Variants in NUMB observed in about 807,000 individuals in gnomAD.
NUMB encodes the protein protein numb homolog.
NUMB carries 29 observed loss-of-function variants against 59.7 expected under a neutral mutation model. The ratio of observed to expected loss-of-function variants is 0.49; its 90% CI spans 0.36 to 0.66. The LOEUF (loss-of-function observed/expected upper bound fraction) is 0.66. NUMB is among the 30% of genes least tolerant of loss of function. NUMB has a pLI of 0.00. For synonymous variants in NUMB, 288 were observed against 288.2 expected (o/e 1.00, Z 0.01); for missense variants, 723 against 822.0 (o/e 0.88, Z 1.47).
At chr14:73,365,843 A>G (rs932717432) in intron 3 of NUMB, among the ~76,000 whole-genome samples, 4 of 152,250 alleles carry the variant, frequency 2.6e-5, no homozygotes, top group African/African-American at 9.6e-5. Flanking sequence ...GACAGCTACA[A>G]TAAACAAGTA....
At chr14:73,435,271 CTTT>C (rs11295491) in intron 1 of NUMB, among the ~76,000 whole-genome samples, 6 of 112,836 alleles carry the variant, frequency 5.3e-5, no homozygotes, top group Admixed American at 1.8e-4. Context: ...TTGGCAATTA[CTTT>C]TTTTTTTTTT....
chr14:73,336,931 T>C (rs1010127946), intron 4 of NUMB, among the ~76,000 whole-genome samples: 11 of 152,144 alleles, frequency 7.2e-5, no homozygotes, highest in African/African-American at 2.2e-4. Flanking sequence ...ACAATTAAGA[T>C]AAAAATCATA....
intron 1 of NUMB, among the ~76,000 whole-genome samples, chr14:73,432,286 T>C (rs999040325): frequency 2.0e-5 from 3 of 152,002 alleles, no homozygotes; most frequent in South Asian, 4.1e-4. Flanking sequence ...TCCACACTTA[T>C]TATAAAGCTA....
At chr14:73,439,803 T>G (rs1882887830) in intron 1 of NUMB, among the ~76,000 whole-genome samples, 1 of 152,170 alleles carries the variant, frequency 6.6e-6, no homozygotes, top group African/African-American at 2.4e-5. Context: ...TATGAATCTT[T>G]TCTTCCTTTA....
At chr14:73,315,539 A>G (rs1255612430) in intron 6 of NUMB, among the ~76,000 whole-genome samples, 4 of 152,166 alleles carry the variant, frequency 2.6e-5, no homozygotes, top group East Asian at 1.9e-4. Context: ...CATATGACAG[A>G]TATTTGGTAG....
At chr14:73,364,257 A>T (rs1038415810) in intron 3 of NUMB, among the ~76,000 whole-genome samples, 19 of 152,108 alleles carry the variant, frequency 1.2e-4, no homozygotes, top group Admixed American at 1.2e-3. Context: ...CACCGTGCTG[A>T]GGTGGGCGGA....
chr14:73,430,644 C>T (rs540398707), intron 1 of NUMB, among the ~76,000 whole-genome samples: 1 of 150,142 alleles, frequency 6.7e-6, no homozygotes, highest in Admixed American at 6.6e-5. Flanking sequence ...TCAAAACAAA[C>T]AAAAAAAAGT....
At chr14:73,394,160 G>C (rs1024525784) in intron 2 of NUMB, among the ~76,000 whole-genome samples, 9 of 152,048 alleles carry the variant, frequency 5.9e-5, no homozygotes, top group African/African-American at 2.2e-4. Flanking sequence ...TCACCATGTT[G>C]GCCAGGCTGG....
At chr14:73,323,094 C>T (rs374524191) in intron 5 of NUMB, 36 bp downstream of exon 5, 4 of 1,470,794 alleles carry the variant, frequency 2.7e-6, no homozygotes, top group Non-Finnish European at 3.8e-6. Flanking sequence ...ATATTGATAG[C>T]ATATAGATCA....
At chr14:73,277,423 A>G (rs1888252168) in intron 12 of NUMB, 130 bp from the exon 13 acceptor site, 4 of 745,122 alleles carry the variant, frequency 5.4e-6, no homozygotes, top group Non-Finnish European at 8.5e-6. Flanking sequence ...TGTGGTTTTG[A>G]TAGGTAGGAG....
At chr14:73,320,351 T>TTAAGTA (rs770477414) in intron 5 of NUMB, among the ~76,000 whole-genome samples, 2 of 152,184 alleles carry the variant, frequency 1.3e-5, no homozygotes, top group Non-Finnish European at 2.9e-5. Flanking sequence ...GTTTAAAAGT[T>TTAAGTA]TAAGTATGTT....
At chr14:73,389,432 CCTGCCT>C (rs1895736216) in intron 2 of NUMB, among the ~76,000 whole-genome samples, 1 of 151,952 alleles carries the variant, frequency 6.6e-6, no homozygotes, top group African/African-American at 2.4e-5. Context: ...AAGCGATTCT[CCTGCCT>C]CAGCCTCCTG....
chr14:73,456,102 C>CA (rs1387495343), intron 1 of NUMB, among the ~76,000 whole-genome samples: 2 of 149,544 alleles, frequency 1.3e-5, no homozygotes, highest in African/African-American at 2.5e-5. Flanking sequence ...ATAATACTCC[C>CA]AAAAAAACCT....
chr14:73,446,548 T>C (rs1883522345), intron 1 of NUMB, among the ~76,000 whole-genome samples: 1 of 150,434 alleles, frequency 6.6e-6, no homozygotes, highest in Admixed American at 6.7e-5. Flanking sequence ...GAGGTTGCAG[T>C]GAGCCAAGAT....
At chr14:73,440,313 C>T (rs1019228895) in intron 1 of NUMB, among the ~76,000 whole-genome samples, 1 of 144,286 alleles carries the variant, frequency 6.9e-6, no homozygotes, top group East Asian at 2.0e-4. Context: ...ATCCATATAT[C>T]TCAACAGAAG....
chr14:73,341,406 C>T (rs1441255816), intron 4 of NUMB, among the ~76,000 whole-genome samples: 1 of 152,092 alleles, frequency 6.6e-6, no homozygotes, highest in Non-Finnish European at 1.5e-5. Context: ...GTTAAGTCAT[C>T]CTTTCTTTTT....
chr14:73,310,622 A>G (rs147563013), intron 6 of NUMB, among the ~76,000 whole-genome samples: 122 of 152,354 alleles, frequency 8.0e-4, no homozygotes, highest in African/African-American at 2.7e-3. Flanking sequence ...ATTTAGTATT[A>G]GCTGGGTGAA....
At chr14:73,324,078 C>T (rs1468939688) in intron 4 of NUMB, among the ~76,000 whole-genome samples, 3 of 152,132 alleles carry the variant, frequency 2.0e-5, no homozygotes, top group Non-Finnish European at 2.9e-5. Context: ...GTTATTTATG[C>T]CCTCCCTGGG....
intron 4 of NUMB, among the ~76,000 whole-genome samples, chr14:73,327,580 C>T (rs796208526): frequency 2.6e-5 from 4 of 152,030 alleles, no homozygotes; most frequent in African/African-American, 7.2e-5. Context: ...ATGAGGCGGA[C>T]TAGGAGGCTT....
Sources: gnomAD v4.1 joint callset for allele counts (sites outside exome capture counted in the v4.1 genomes callset) on GRCh38, gnomAD v4.1.1 for gene constraint, MANE v1.5 for transcripts, NCBI Gene and HGNC (gene_info 2026-07-23, HGNC 2026-07-21) for gene names.